Variants in SNRNP40 observed in about 807,000 individuals in gnomAD.
The protein encoded by SNRNP40 is U5 small nuclear ribonucleoprotein 40 kDa protein.
Under a neutral mutation model 45.8 loss-of-function variants are expected in SNRNP40, and 21 were observed. That is an observed-to-expected ratio of 0.46 (90% CI 0.32 to 0.66). The LOEUF (loss-of-function observed/expected upper bound fraction) is 0.66, where lower values mean the gene tolerates loss of function less well. SNRNP40 is among the 30% of genes least tolerant of loss of function. SNRNP40 has a pLI of 0.03. For missense variants in SNRNP40, 344 were observed against 439.1 expected (o/e 0.78, Z 1.94); for synonymous variants, 142 against 163.8 (o/e 0.87, Z 1.01).
chr1:31,281,062 C>G lies in SNRNP40; in HGVS notation c.654+312G>C, dbSNP rs575983454. ...AAACTGATTCACTGCTCTCTTTAAA[C>G]CAAGATGGTTAAAAAAAGATTTTGA... On this transcript the variant is annotated intron_variant, in intron 5 of 9. Coordinates refer to ENST00000263694, the MANE Select transcript of SNRNP40 (RefSeq NM_004814.3). 4.6e-5 allele frequency among the ~76,000 whole-genome samples: 7 copies of G among 152,254 alleles called. No homozygotes were observed. The East Asian group carries it at 1.3e-3, about 29-fold the overall frequency.
At chr1:31,260,921 G>T in intron 9 of SNRNP40, 2 of 889,450 alleles carry the variant, frequency 2.2e-6, no homozygotes, top group Non-Finnish European at 2.9e-6. Context: ...AAACAGACTT[G>T]ATGGAAGTAA....
intron 1 of SNRNP40, among the ~76,000 whole-genome samples, chr1:31,294,172 G>T (rs1199488332): frequency 6.6e-6 from 1 of 151,956 alleles, no homozygotes; most frequent in Non-Finnish European, 1.5e-5. Flanking sequence ...TGGCCAGGCT[G>T]GTCTCAAACT....
Position 31,261,625 on chromosome 1 carries a change from A to T in SNRNP40, c.928T>A (p.Tyr310Asn). The change falls in exon 9 of 10, where the codon TAT becomes AAT. Residue 310 changes from tyrosine to asparagine, a missense_variant. By Grantham distance (143) the Tyr-to-Asn change is moderately radical. This residue lies in a region of SNRNP40 where 254 missense variants were observed against 380.2 expected (regional missense o/e 0.67). Transcript: ENST00000263694. Reference sequence around the variant, plus strand: ...CTCCTGCTTGTGGTATCCCACACATAAACAAACCTGTAAGGTATCATGAAA... The same window carrying T: ...CTCCTGCTTGTGGTATCCCACACATTAACAAACCTGTAAGGTATCATGAAA... Reference protein sequence around the residue: ...IAAGSADRFVYVWDTTSRRIL... With the variant: ...IAAGSADRFVNVWDTTSRRIL... The T allele has an allele frequency of 6.2e-7, 1 of 1,611,778 alleles. No homozygotes were observed. Among genetic ancestry groups the T allele is most frequent in the Non-Finnish European group, 8.5e-7 (1 of 1,177,950 alleles).
chr1:31,260,841 C>T (rs920646013), intron 9 of SNRNP40: 43 of 446,632 alleles, frequency 9.6e-5, no homozygotes, highest in Non-Finnish European at 1.3e-4. Context: ...CCAGCCTGGG[C>T]GACAAGAGTG....
At chr1:31,264,318 T>C (rs550563674) in intron 8 of SNRNP40, among the ~76,000 whole-genome samples, 4 of 152,348 alleles carry the variant, frequency 2.6e-5, no homozygotes, top group African/African-American at 4.8e-5. Flanking sequence ...ATGGCTCTGA[T>C]ACTCATGCCC....
chr1:31,265,041 A>G (rs1645886656), intron 8 of SNRNP40, among the ~76,000 whole-genome samples: 1 of 152,170 alleles, frequency 6.6e-6, no homozygotes, highest in African/African-American at 2.4e-5. Context: ...CTTGGGGCCA[A>G]TTGGTGAGGT....
At chr1:31,284,049 C>T (rs901215753) in intron 4 of SNRNP40, among the ~76,000 whole-genome samples, 1 of 152,132 alleles carries the variant, frequency 6.6e-6, no homozygotes, top group African/African-American at 2.4e-5. Context: ...CATGGTGATT[C>T]CTCATCTCTA....
chr1:31,294,169 G>A (rs1249004170), intron 1 of SNRNP40, among the ~76,000 whole-genome samples: 3 of 152,084 alleles, frequency 2.0e-5, no homozygotes, highest in African/African-American at 4.8e-5. Context: ...TGTTGGCCAG[G>A]CTGGTCTCAA....
intron 9 of SNRNP40, 67 bp from the exon 10 acceptor site, chr1:31,260,188 T>C (rs1645848849): frequency 7.0e-6 from 8 of 1,146,544 alleles, no homozygotes; most frequent in East Asian, 2.4e-5. Flanking sequence ...TCAAGGGCTC[T>C]TGTGTCAAGA....
chr1:31,283,582 T>C (rs1441744091), intron 4 of SNRNP40, among the ~76,000 whole-genome samples: 1 of 152,000 alleles, frequency 6.6e-6, no homozygotes, highest in Admixed American at 6.6e-5. Flanking sequence ...CAGCCTGGGC[T>C]ACAGAGCGAG....
chr1:31,262,541 A>AC (rs1645866262), intron 8 of SNRNP40, among the ~76,000 whole-genome samples: 1 of 98,728 alleles, frequency 1.0e-5, no homozygotes, highest in East Asian at 2.2e-4. Flanking sequence ...AAAAAAAAAA[A>AC]AAAGAGGAGA....
intron 2 of SNRNP40, chr1:31,292,913 G>C (rs1646117246): frequency 2.8e-6 from 1 of 363,156 alleles, no homozygotes; most frequent in African/African-American, 2.1e-5. Context: ...CCATTAACCT[G>C]TTATGTCTAG....
At chr1:31,275,401 T>G (rs903906641) in intron 5 of SNRNP40, among the ~76,000 whole-genome samples, 3 of 146,514 alleles carry the variant, frequency 2.0e-5, no homozygotes, top group Non-Finnish European at 4.5e-5. Context: ...CAGGGTATTT[T>G]TTTTTCTAAT....
At chr1:31,278,435 C>T (rs905858940) in intron 5 of SNRNP40, among the ~76,000 whole-genome samples, 4 of 152,062 alleles carry the variant, frequency 2.6e-5, no homozygotes. Context: ...AACTGTACAC[C>T]AAAAATGTTT....
chr1:31,289,536 G>A (rs925752427), intron 3 of SNRNP40, 117 bp from the exon 4 acceptor site: 50 of 830,662 alleles, frequency 6.0e-5, no homozygotes, highest in African/African-American at 5.1e-4. Context: ...GCTGTGCTAC[G>A]CCAGTTTGCC....
intron 7 of SNRNP40, among the ~76,000 whole-genome samples, chr1:31,268,246 A>C (rs532002413): frequency 3.7e-4 from 56 of 151,946 alleles, no homozygotes; most frequent in African/African-American, 1.3e-3. Flanking sequence ...ATTTATCTTG[A>C]AGAAAAATAC....
chr1:31,266,942 C>T (rs972197989), intron 8 of SNRNP40, among the ~76,000 whole-genome samples: 1 of 152,316 alleles, frequency 6.6e-6, no homozygotes, highest in South Asian at 2.1e-4. Flanking sequence ...AGGTACCTCA[C>T]TTTGTCTGTC....
chr1:31,266,236 C>G (rs1371190100), intron 8 of SNRNP40, among the ~76,000 whole-genome samples: 1 of 152,142 alleles, frequency 6.6e-6, no homozygotes, highest in Admixed American at 6.5e-5. Context: ...CGTTAGGGCC[C>G]CAAATAGAGG....
rs543292840 is a variant in SNRNP40, at chr1:31,262,390, G to A, written c.921-758C>T. On this transcript the variant is annotated intron_variant, in intron 8 of 9. Coordinates refer to ENST00000263694, the MANE Select transcript of SNRNP40 (RefSeq NM_004814.3). Reference sequence around the variant, plus strand: ...CAAAAAATTAGCCAGGAGTGGTAGCGTGTGCCTGTAATCCCAACTACTCGG... The same window carrying A: ...CAAAAAATTAGCCAGGAGTGGTAGCATGTGCCTGTAATCCCAACTACTCGG... Among the ~76,000 whole-genome samples the A allele has an allele frequency of 3.8e-3, 580 of 151,766 alleles. 2 individuals carry two copies. The highest frequency in any genetic ancestry group is 0.013 in the African/African-American group (543 of 41,396).
Sources: allele counts gnomAD v4.1 joint callset (sites outside exome capture counted in the v4.1 genomes callset), GRCh38; gene constraint gnomAD v4.1.1; regional missense constraint gnomAD v4.1.1; transcripts MANE v1.5; gene names NCBI Gene and HGNC (gene_info 2026-07-23, HGNC 2026-07-21).